The following DNAJC27 variants were observed in gnomAD, a reference collection of about 807,000 sequenced individuals.
DNAJC27 encodes the protein DnaJ heat shock protein family (Hsp40) member C27.
In DNAJC27, 25 loss-of-function variants were observed where a neutral mutation model predicts 31.4. That is an observed-to-expected ratio of 0.80 (90% CI 0.58 to 1.11). The LOEUF is 1.11. Ranked by LOEUF, DNAJC27 falls within the 50% of genes most tolerant of loss-of-function variation. The probability of loss-of-function intolerance (pLI) is 0.00; values close to 1 mark genes in which losing one functional copy is unlikely to be tolerated. For missense variants in DNAJC27, 356 were observed against 347.3 expected, an observed-to-expected ratio of 1.02 and a Z score of -0.20; for synonymous variants, 106 against 112.7, an observed-to-expected ratio of 0.94 and a Z score of 0.37.
Position 24,967,259 on chromosome 2 carries a change from A to C in DNAJC27, c.122T>G (p.Phe41Cys). The C allele has an allele frequency of 6.2e-7, 1 of 1,613,836 alleles. No homozygotes were observed. The highest frequency in any genetic ancestry group is 1.1e-5 in the South Asian group (1 of 91,074). The change falls in exon 2 of 7, where the codon TTC becomes TGC. Residue 41 changes from phenylalanine (F) to cysteine (C), a missense_variant. Transcript: ENST00000264711. ...AATTGTTGCCAGGTATTTAGACACG[A>C]ATCTTTTCTCACAGTATCGCTTTAT... ...CIIKRYCEKR[F>C]VSKYLATIGI... is the part of the protein sequence containing the mutation.
In DNAJC27 at chr2:24,946,922, A is replaced by G. The variant is rs1395580929; in HGVS notation, c.*694T>C. 2 of 152,294 alleles carry G rather than the reference A, an allele frequency of 1.3e-5. No individual in the cohort carries two copies. The highest frequency in any genetic ancestry group is 2.4e-5 in the African/African-American group (1 of 41,472). The allele number at this position is 152,294 out of a possible 1,614,324, so 9.4% of individuals were successfully genotyped here. A position where few individuals can be genotyped will look rare whatever the true frequency, so the allele number is the denominator to read the frequency against. Reference sequence around the variant, plus strand: ...AGGGAAAGGCCTCAGATCCAGGGACAGGATAGGCAGCAGCCAGTGTACCTA... The same window carrying G: ...AGGGAAAGGCCTCAGATCCAGGGACGGGATAGGCAGCAGCCAGTGTACCTA... On this transcript the variant is annotated 3_prime_UTR_variant, in exon 7 of 7. Coordinates refer to ENST00000264711, the MANE Select transcript of DNAJC27 (RefSeq NM_016544.3).
In DNAJC27 at chr2:24,944,418, G is replaced by A. The variant is rs1212472351; in HGVS notation, c.*3198C>T. On this transcript the variant is annotated 3_prime_UTR_variant, in exon 7 of 7. Coordinates refer to ENST00000264711, the MANE Select transcript of DNAJC27 (RefSeq NM_016544.3). ...CTTGCAGTGGCTGCTTACTTACTCT[G>A]GCTATCTTTCAGAAATTTAGCTGCC... is the stretch of plus-strand genomic sequence containing the variant. The A allele has an allele frequency of 6.7e-6, 1 of 148,958 alleles. No individual in the cohort carries two copies. The highest frequency in any genetic ancestry group is 1.5e-5 in the Non-Finnish European group (1 of 67,406). The allele number at this position is 148,958 out of a possible 1,614,324, so 9.2% of individuals were successfully genotyped here.
chr2:24,963,496 A>G, intron 2 of DNAJC27, 22 bp from the exon 3 acceptor site: 1 of 1,594,278 alleles, frequency 6.3e-7, no homozygotes, highest in Non-Finnish European at 8.6e-7. Flanking sequence ...AAATGGAAAC[A>G]ATCCGAAAGA....
At chr2:24,961,369 C>T (rs1666036683) in intron 3 of DNAJC27, among the ~76,000 whole-genome samples, 1 of 152,092 alleles carries the variant, frequency 6.6e-6, no homozygotes, top group Non-Finnish European at 1.5e-5. Context: ...TGGAGAAATA[C>T]GAAGAGATTA....
At chr2:24,959,251 C>T (rs4665735) in intron 3 of DNAJC27, among the ~76,000 whole-genome samples, 137,389 of 152,108 alleles carry the variant, frequency 0.9, 62,253 homozygotes, top group African/African-American at 0.97. Flanking sequence ...CACCAACTCC[C>T]CTTCTCTCTA....
At chr2:24,948,194 C>A (rs2149119693) in intron 6 of DNAJC27, among the ~76,000 whole-genome samples, 2 of 152,178 alleles carry the variant, frequency 1.3e-5, no homozygotes, top group South Asian at 4.2e-4. Context: ...GCAAAACAAC[C>A]CCAACACCTG....
Position 24,957,584 on chromosome 2 carries a change from C to T in DNAJC27, c.405+226G>A, listed in dbSNP as rs1381497732. On this transcript the variant is annotated intron_variant, in intron 4 of 6. Coordinates refer to ENST00000264711, the MANE Select transcript of DNAJC27 (RefSeq NM_016544.3). Reference sequence around the variant, plus strand: ...ATTGCTCCCACTCAGTCACCAACATCCTTCCCCATGTATGGCACCAGAAAA... The same window carrying T: ...ATTGCTCCCACTCAGTCACCAACATTCTTCCCCATGTATGGCACCAGAAAA... 2.0e-5 allele frequency among the ~76,000 whole-genome samples: 3 copies of T among 151,458 alleles called. No homozygotes were observed. The East Asian group carries it at 5.8e-4, about 29-fold the overall frequency.
intron 2 of DNAJC27, among the ~76,000 whole-genome samples, chr2:24,966,236 G>A (rs1335475824): frequency 1.1e-4 from 16 of 152,160 alleles, no homozygotes; most frequent in Admixed American, 9.8e-4. Flanking sequence ...AGTTCAGCAT[G>A]GATGGAAAGT....
At chr2:24,961,250 T>C (rs571349207) in intron 3 of DNAJC27, among the ~76,000 whole-genome samples, 2 of 152,224 alleles carry the variant, frequency 1.3e-5, no homozygotes, top group South Asian at 4.2e-4. Context: ...TTAAGCATAG[T>C]TTACTGAATA....
At chr2:24,955,221 T>C (rs1185935161) in intron 5 of DNAJC27, among the ~76,000 whole-genome samples, 5 of 152,204 alleles carry the variant, frequency 3.3e-5, no homozygotes, top group African/African-American at 1.2e-4. Context: ...ATACTCTTAA[T>C]GAGTGAGCAG....
chr2:24,965,387 T>C (rs1666155262), intron 2 of DNAJC27, among the ~76,000 whole-genome samples: 1 of 151,672 alleles, frequency 6.6e-6, no homozygotes, highest in African/African-American at 2.4e-5. Flanking sequence ...TCCCAAGTAG[T>C]TGGGATTATA....
At chr2:24,951,150 C>A (rs1413632185) in intron 6 of DNAJC27, among the ~76,000 whole-genome samples, 1 of 152,256 alleles carries the variant, frequency 6.6e-6, no homozygotes, top group African/African-American at 2.4e-5. Flanking sequence ...CAGATGAAAG[C>A]AGAGCATACC....
chr2:24,971,975 C>CTT, upstream of DNAJC27: 1 of 1,128,122 alleles, frequency 8.9e-7, no homozygotes, highest in Non-Finnish European at 1.2e-6. Context: ...CTCAGGCCTC[C>CTT]TCGTCCAATG....
Position 24,951,463 on chromosome 2 carries a change from T to C in DNAJC27, c.620A>G (p.Asp207Gly), listed in dbSNP as rs1184650735. ...ACTATTTCGAATTCTGCGAATGGCA[T>C]CTGCTTGTTCTTTGGTGAAACTAGC... ...SSASFTKEQA[D>G]AIRRIRNSKD... Residue 207 changes from aspartate to glycine, a missense_variant, in exon 6 of 7, where the codon GAT (aspartate) becomes GGT (glycine). By Grantham distance (94) the Asp-to-Gly change is moderately conservative. Transcript: ENST00000264711. 1 of 1,613,966 alleles carries C rather than the reference T, an allele frequency of 6.2e-7. No homozygotes were observed. The highest frequency in any genetic ancestry group is 2.2e-5 in the East Asian group (1 of 44,864).
chr2:24,947,755 A>G lies in DNAJC27; in HGVS notation c.690-7T>C. 6.2e-7 allele frequency: 1 copy of G among 1,610,148 alleles called. No homozygotes were observed. The highest frequency in any genetic ancestry group is 8.5e-7 in the Non-Finnish European group (1 of 1,176,886). On this transcript the variant is annotated splice_region_variant and splice_polypyrimidine_tract_variant and intron_variant, in intron 6 of 6. Coordinates refer to ENST00000264711, the MANE Select transcript of DNAJC27 (RefSeq NM_016544.3). ...CGCTTTATTGACTTCATCCCTGGGA[A>G]AAGAAGCCAAGATCTATGTTAGTAA...
chr2:24,954,252 G>A (rs538396078), intron 5 of DNAJC27, among the ~76,000 whole-genome samples: 1 of 152,282 alleles, frequency 6.6e-6, no homozygotes, highest in East Asian at 1.9e-4. Context: ...CTATGGGGTT[G>A]AGAACAAAAC....
At chr2:24,950,046 G>A (rs1293608375) in intron 6 of DNAJC27, among the ~76,000 whole-genome samples, 7 of 139,270 alleles carry the variant, frequency 5.0e-5, no homozygotes, top group South Asian at 2.3e-4. Context: ...TCACATTTTC[G>A]AATTTCAAAA....
At chr2:24,953,641 A>C (rs1056036958) in intron 5 of DNAJC27, 2 of 425,570 alleles carry the variant, frequency 4.7e-6, no homozygotes, top group African/African-American at 4.3e-5. Flanking sequence ...TGTATCTAAA[A>C]AGATAAAAGC....
intron 2 of DNAJC27, among the ~76,000 whole-genome samples, chr2:24,964,989 C>T (rs868685382): frequency 6.6e-6 from 1 of 151,978 alleles, no homozygotes; most frequent in Admixed American, 6.5e-5. Context: ...GGACGGATCA[C>T]GAGGTCAGGA....
Sources: gnomAD v4.1 joint callset for allele counts (sites outside exome capture counted in the v4.1 genomes callset) on GRCh38, gnomAD v4.1.1 for gene constraint, MANE v1.5 for transcripts, NCBI Gene and HGNC (gene_info 2026-07-23, HGNC 2026-07-21) for gene names.